Variants in APCDD1L observed in about 807,000 individuals in gnomAD.
APCDD1L encodes the protein APC down-regulated 1 like, also known as protein APCDD1-like.
In APCDD1L, 21 loss-of-function variants were observed where a neutral mutation model predicts 24.2. The observed-to-expected ratio is 0.87, with a 90% CI of 0.61 to 1.25. The LOEUF (loss-of-function observed/expected upper bound fraction) is 1.25. Among genes scored for constraint, APCDD1L ranks in the 50% most tolerant of loss-of-function variants. The pLI, the probability that APCDD1L is intolerant of heterozygous loss-of-function variation, is 0.00. For synonymous variants in APCDD1L, 321 were observed against 323.6 expected, an observed-to-expected ratio of 0.99 and a Z score of 0.09; for missense variants, 704 against 711.7, an observed-to-expected ratio of 0.99 and a Z score of 0.12.
At chr20:58,479,273 C>A (rs1035599347) in intron 1 of APCDD1L, among the ~76,000 whole-genome samples, 1 of 152,160 alleles carries the variant, frequency 6.6e-6, no homozygotes, top group Non-Finnish European at 1.5e-5. Flanking sequence ...ATTTTATGTG[C>A]TTTTCCCCCC....
At chr20:58,513,257 T>C (rs929281077) in intron 1 of APCDD1L, among the ~76,000 whole-genome samples, 7 of 152,140 alleles carry the variant, frequency 4.6e-5, no homozygotes, top group African/African-American at 1.7e-4. Context: ...CTGGCCCCCT[T>C]GTCACCCTTT....
rs201380039 is a variant in APCDD1L, at chr20:58,467,591, G to C, written c.256C>G (p.Arg86Gly). ...AYTFYPSRLFRAHQFYYEDPF... is the reference protein window; with the variant it reads ...AYTFYPSRLFGAHQFYYEDPF... ...TCCTCGTAGTAGAACTGGTGGGCTC[G>C]AAAGAGCCGGCTGGGGTAGAAGGTG... Residue 86 changes from arginine to glycine, a missense_variant, in exon 3 of 4, where the codon CGA becomes GGA. Physicochemically the swap from Arg to Gly is moderately radical, Grantham distance 125 (BLOSUM62 -2). Transcript: ENST00000371149. This position sits in a 1 kb window ranked among gnomAD's most constrained non-coding sequence, Gnocchi z 5.9. 12 of 1,559,746 alleles carry C rather than the reference G, an allele frequency of 7.7e-6. No homozygotes were observed. The highest frequency in any genetic ancestry group is 5.5e-5 in the Admixed American group (3 of 54,308).
rs775886993 is a variant in APCDD1L, at chr20:58,461,345, G to A, written c.951C>T (p.His317=). The A allele has an allele frequency of 2.5e-6, 4 of 1,596,148 alleles. No individual in the cohort carries two copies. The highest frequency in any genetic ancestry group is 2.2e-5 in the East Asian group (1 of 44,516). The change falls in exon 4 of 4, where the codon CAC becomes CAT. Residue 317 remains histidine (H), a synonymous_variant. Transcript: ENST00000371149. This position sits in a 1 kb window ranked among gnomAD's most constrained non-coding sequence, Gnocchi z 6.0. ...HSRSWEGYYH[H]FSDPACRQPT... is the part of the protein sequence containing the mutation. ...GCTGCCGGCAGGCTGGGTCTGAGAA[G>A]TGGTGGTAATACCCTTCCCAGGAGC...
chr20:58,482,534 T>TCGGAAGAG (rs1990042595), intron 1 of APCDD1L, among the ~76,000 whole-genome samples: 1 of 152,142 alleles, frequency 6.6e-6, no homozygotes, highest in South Asian at 2.1e-4. Flanking sequence ...GTTCTTACCC[T>TCGGAAGAG]CGGAAGAGCG....
At chr20:58,464,856 CTT>C (rs11415092) in intron 3 of APCDD1L, among the ~76,000 whole-genome samples, 1 of 146,478 alleles carries the variant, frequency 6.8e-6, no homozygotes, top group African/African-American at 2.5e-5. Flanking sequence ...TTCTTTCTTT[CTT>C]TTTTTTTTTT....
chr20:58,481,351 G>A (rs917954657), intron 1 of APCDD1L, among the ~76,000 whole-genome samples: 4 of 152,198 alleles, frequency 2.6e-5, no homozygotes, highest in African/African-American at 9.7e-5. Context: ...AAGAACGAAG[G>A]TGTTCGTATA....
At chr20:58,501,994 C>A (rs1466181589) in intron 1 of APCDD1L, among the ~76,000 whole-genome samples, 3 of 152,196 alleles carry the variant, frequency 2.0e-5, no homozygotes, top group East Asian at 1.9e-4. Context: ...CTTGGAGAAG[C>A]CTTCCAGATA....
chr20:58,483,030 C>A (rs1990051713), intron 1 of APCDD1L, among the ~76,000 whole-genome samples: 1 of 152,138 alleles, frequency 6.6e-6, no homozygotes, highest in African/African-American at 2.4e-5. Flanking sequence ...CCAAAGGGAA[C>A]TGAAAGAGAA....
Position 58,497,126 on chromosome 20 carries a change from CACCAGAG to C in APCDD1L, c.49+17526_49+17532del, listed in dbSNP as rs1990339027. 6.6e-6 allele frequency among the ~76,000 whole-genome samples: 1 copy of C among 150,684 alleles called. No homozygotes were observed. The highest frequency in any genetic ancestry group is 2.4e-5 in the African/African-American group (1 of 40,824). On this transcript the variant is annotated intron_variant, in intron 1 of 3. Transcript: ENST00000371149. The surrounding 1 kb of genome is among the most constrained non-coding windows in gnomAD (Gnocchi z 4.3). ...AGGGCTCCAGGGTCAGCAGCGTGGA[CACCAGAG>C]GTCACAAGATGGGGGATGAGGAGGG...
At chr20:58,493,906 A>C (rs564683686) in intron 1 of APCDD1L, among the ~76,000 whole-genome samples, 10 of 152,330 alleles carry the variant, frequency 6.6e-5, no homozygotes, top group African/African-American at 2.2e-4. Flanking sequence ...CAACTCCCCC[A>C]AAACCTAACT....
chr20:58,496,882 G>T (rs1207272940), intron 1 of APCDD1L, among the ~76,000 whole-genome samples: 1 of 152,314 alleles, frequency 6.6e-6, no homozygotes, highest in East Asian at 1.9e-4. Flanking sequence ...CTGGCATGGA[G>T]GAAAGGGACC....
At chr20:58,493,407 C>T (rs963706843) in intron 1 of APCDD1L, among the ~76,000 whole-genome samples, 9 of 152,106 alleles carry the variant, frequency 5.9e-5, no homozygotes, top group Middle Eastern at 3.2e-3. Context: ...CAAGAAGGTT[C>T]CTAAGAGCCT....
rs538287169 is a variant in APCDD1L at position 58,508,859 on chromosome 20, G to A, written c.49+5800C>T. 6.6e-6 allele frequency among the ~76,000 whole-genome samples: 1 copy of A among 152,322 alleles called. No homozygotes were observed. The highest frequency in any genetic ancestry group is 2.1e-4 in the South Asian group (1 of 4,826). ...ATAGGCCACGGTGTATGGAGAGTGA[G>A]GGGTGCCGTGCAGAAAGGCAGAGCG... On this transcript the variant is annotated intron_variant, in intron 1 of 3. Transcript: ENST00000371149. This position sits in a 1 kb window ranked among gnomAD's most constrained non-coding sequence, Gnocchi z 4.0.
chr20:58,483,316 G>A (rs1186170447), intron 1 of APCDD1L, among the ~76,000 whole-genome samples: 1 of 152,158 alleles, frequency 6.6e-6, no homozygotes, highest in Non-Finnish European at 1.5e-5. Flanking sequence ...GGGCTGGAAT[G>A]TTCTCCAGGA....
At chr20:58,487,107 A>G (rs1990133450) in intron 1 of APCDD1L, among the ~76,000 whole-genome samples, 1 of 152,056 alleles carries the variant, frequency 6.6e-6, no homozygotes, top group African/African-American at 2.4e-5. Flanking sequence ...AGAAATAACA[A>G]GCAAAGAATT....
In APCDD1L at chr20:58,461,241, A is replaced by T. The variant is rs1281817634; in HGVS notation, c.1055T>A (p.Val352Glu). ...STRVRGGTEL[V>E]FEVTRAHVTP... ...CACATGGGCCCGTGTGACCTCAAAC[A>T]CCAGCTCGGTGCCGCCGCGGACCCT... Residue 352 changes from valine (V) to glutamate (E), a missense_variant, in exon 4 of 4, where the codon GTG becomes GAG. Coordinates refer to ENST00000371149, the MANE Select transcript of APCDD1L (RefSeq NM_153360.3). The surrounding 1 kb of genome is among the most constrained non-coding windows in gnomAD (Gnocchi z 6.0). 6.2e-7 allele frequency: 1 copy of T among 1,613,430 alleles called. No individual in the cohort carries two copies.
intron 1 of APCDD1L, among the ~76,000 whole-genome samples, chr20:58,492,051 A>C (rs1214754238): frequency 2.6e-5 from 4 of 152,240 alleles, no homozygotes; most frequent in Non-Finnish European, 4.4e-5. Flanking sequence ...CCCCAAATCA[A>C]CTTCCAATGG....
rs993714466 is a variant in APCDD1L at position 58,508,532 on chromosome 20, G to A, written c.49+6127C>T. 2.0e-5 allele frequency among the ~76,000 whole-genome samples: 3 copies of A among 152,202 alleles called. No individual in the cohort carries two copies. The highest frequency in any genetic ancestry group is 4.4e-5 in the Non-Finnish European group (3 of 68,042). ...TCCTCGATTAGATGTTGGCATTGGT[G>A]GTGGGGGGAAGAGATGAGGACAATG... On this transcript the variant is annotated intron_variant, in intron 1 of 3. Coordinates refer to ENST00000371149, the MANE Select transcript of APCDD1L (RefSeq NM_153360.3). This position sits in a 1 kb window ranked among gnomAD's most constrained non-coding sequence, Gnocchi z 4.0.
At position 58,467,935 on chromosome 20, in the gene APCDD1L, A is replaced by G. The variant is rs1192822045; in HGVS notation, c.189-277T>C. On this transcript the variant is annotated intron_variant, in intron 2 of 3. Transcript: ENST00000371149. This position sits in a 1 kb window ranked among gnomAD's most constrained non-coding sequence, Gnocchi z 5.9. ...CCCTGCTGGAGGGCCTTTTGCAACC[A>G]CCTGGGGACCCGCTGGCCTGGGAGC... 6.6e-6 allele frequency among the ~76,000 whole-genome samples: 1 copy of G among 151,784 alleles called. No individual in the cohort carries two copies. Among genetic ancestry groups the G allele is most frequent in the Non-Finnish European group, 1.5e-5 (1 of 67,960 alleles).
Sources: allele counts gnomAD v4.1 joint callset (sites outside exome capture counted in the v4.1 genomes callset), GRCh38; gene constraint gnomAD v4.1.1; non-coding constraint Gnocchi (gnomAD v3.1); transcripts MANE v1.5; gene names NCBI Gene and HGNC (gene_info 2026-07-23, HGNC 2026-07-21).